Variants in MAF observed in about 807,000 individuals in gnomAD.
MAF encodes the protein MAF bZIP transcription factor.
Under a neutral mutation model 22.0 loss-of-function variants are expected in MAF, and 10 were observed. The ratio of observed to expected loss-of-function variants is 0.45; its 90% CI spans 0.28 to 0.77. The LOEUF (loss-of-function observed/expected upper bound fraction) is 0.77, where lower values mean the gene tolerates loss of function less well. Ranked by LOEUF, MAF falls within the 30% of genes least tolerant of loss-of-function variation. The pLI is 0.12. For synonymous variants in MAF, 337 were observed against 255.8 expected, an observed-to-expected ratio of 1.32 and a Z score of -3.03; for missense variants, 544 against 548.4, an observed-to-expected ratio of 0.99 and a Z score of 0.08.
chr16:79,323,259 G>C, the MAF span, among the ~76,000 whole-genome samples: 1 of 150,886 alleles, frequency 6.6e-6, no homozygotes, highest in Non-Finnish European at 1.5e-5. Context: ...CAACTGGAAG[G>C]GGGGATGACA....
At chr16:79,360,554 T>C in the MAF span, among the ~76,000 whole-genome samples, 2 of 152,230 alleles carry the variant, frequency 1.3e-5, no homozygotes, top group Admixed American at 1.3e-4. Context: ...GATCTGTGGA[T>C]AGCCATAGGC....
chr16:79,600,093 C>T lies in MAF; in HGVS notation c.-191G>A, dbSNP rs923652652. The T allele has an allele frequency of 2.1e-5, 14 of 654,088 alleles. No individual in the cohort carries two copies. Among genetic ancestry groups the T allele is most frequent in the Admixed American group, 3.7e-5 (1 of 27,220 alleles). 40.5% of individuals were successfully genotyped at this position (654,088 alleles called of 1,614,324 possible). On this transcript the variant is annotated 5_prime_UTR_variant, in exon 1 of 2. Transcript: ENST00000326043. ...ACACACCCCCCCGCCCTGCCCGCGC[C>T]CCCCGCGCCCGCCCTCCCTCCCCCC...
the MAF span, among the ~76,000 whole-genome samples, chr16:79,379,518 C>A: frequency 6.6e-6 from 1 of 152,132 alleles, no homozygotes; most frequent in Non-Finnish European, 1.5e-5. Flanking sequence ...CACACACACA[C>A]ACACACACAC....
chr16:79,338,683 A>G, the MAF span, among the ~76,000 whole-genome samples: 2 of 152,178 alleles, frequency 1.3e-5, no homozygotes, highest in Non-Finnish European at 2.9e-5. Flanking sequence ...AGGAGGGAGA[A>G]AAGAGGGAGA....
the MAF span, among the ~76,000 whole-genome samples, chr16:79,457,087 T>C: frequency 1.3e-5 from 2 of 152,150 alleles, no homozygotes; most frequent in African/African-American, 2.4e-5. Context: ...AGAAAAAACA[T>C]ACTCAGAATC....
At chr16:79,574,306 A>G in the MAF span, among the ~76,000 whole-genome samples, 1 of 152,218 alleles carries the variant, frequency 6.6e-6, no homozygotes, top group Non-Finnish European at 1.5e-5. Flanking sequence ...AGCCCCAATC[A>G]CACAGTAAAT....
chr16:79,566,709 G>C, the MAF span, among the ~76,000 whole-genome samples: 1 of 152,272 alleles, frequency 6.6e-6, no homozygotes, highest in East Asian at 1.9e-4. Context: ...GAGTCTACTT[G>C]GCCTGAATCC....
chr16:79,580,165 A>G, the MAF span, among the ~76,000 whole-genome samples: 3 of 152,288 alleles, frequency 2.0e-5, no homozygotes, highest in African/African-American at 7.2e-5. Flanking sequence ...GGTCAGGACC[A>G]AAACACTCCA....
chr16:79,388,074 G>A, the MAF span, among the ~76,000 whole-genome samples: 3 of 152,124 alleles, frequency 2.0e-5, no homozygotes, highest in African/African-American at 7.2e-5. Context: ...TTGGACTCAG[G>A]GCTAGTTCAC....
At chr16:79,490,889 G>T in the MAF span, among the ~76,000 whole-genome samples, 3 of 152,210 alleles carry the variant, frequency 2.0e-5, no homozygotes, top group African/African-American at 7.2e-5. Flanking sequence ...GATGAATGGA[G>T]AAGGAAGAGG....
At chr16:79,547,343 C>T in the MAF span, among the ~76,000 whole-genome samples, 1 of 151,768 alleles carries the variant, frequency 6.6e-6, no homozygotes, top group Non-Finnish European at 1.5e-5. Flanking sequence ...ACACACGTAC[C>T]CACAGACACC....
the MAF span, among the ~76,000 whole-genome samples, chr16:79,435,783 G>C: frequency 6.6e-6 from 1 of 152,122 alleles, no homozygotes; most frequent in East Asian, 1.9e-4. Flanking sequence ...TTCGTTATTT[G>C]TCCATGTAGA....
the MAF span, among the ~76,000 whole-genome samples, chr16:79,341,568 C>T: frequency 6.6e-6 from 1 of 152,180 alleles, no homozygotes. Flanking sequence ...TCTTCCCCAC[C>T]CCTGGAGTGA....
At chr16:79,482,040 C>T in the MAF span, among the ~76,000 whole-genome samples, 1 of 152,066 alleles carries the variant, frequency 6.6e-6, no homozygotes, top group Non-Finnish European at 1.5e-5. Context: ...TGGGATGAGG[C>T]CTGCAGGGGT....
At chr16:79,560,327 G>A in the MAF span, among the ~76,000 whole-genome samples, 1 of 152,026 alleles carries the variant, frequency 6.6e-6, no homozygotes, top group African/African-American at 2.4e-5. Context: ...CGAAGAGACA[G>A]GAAGCCTGTG....
At chr16:79,410,812 T>C in the MAF span, among the ~76,000 whole-genome samples, 56,427 of 152,092 alleles carry the variant, frequency 0.37, 12,453 homozygotes, top group East Asian at 0.85. Context: ...AGATGGCAGA[T>C]GACTTGTAGG....
the MAF span, among the ~76,000 whole-genome samples, chr16:79,458,041 A>G: frequency 1.4e-4 from 22 of 151,980 alleles, no homozygotes; most frequent in Middle Eastern, 0.01. Flanking sequence ...GATGATCGAA[A>G]AGAAGAAAAT....
the MAF span, among the ~76,000 whole-genome samples, chr16:79,487,958 A>G: frequency 1.3e-5 from 2 of 152,230 alleles, no homozygotes; most frequent in Admixed American, 6.5e-5. Context: ...TCAGGTTAAG[A>G]AACTACAAGG....
the MAF span, among the ~76,000 whole-genome samples, chr16:79,251,056 G>A: frequency 6.6e-6 from 1 of 151,848 alleles, no homozygotes; most frequent in Non-Finnish European, 1.5e-5. Flanking sequence ...GACCTTCAGA[G>A]CAACCCTGAT....
Sources: gnomAD v4.1 joint callset for allele counts (sites outside exome capture counted in the v4.1 genomes callset) on GRCh38, gnomAD v4.1.1 for gene constraint, MANE v1.5 for transcripts, NCBI Gene and HGNC (gene_info 2026-07-23, HGNC 2026-07-21) for gene names.